The following PIGN variants were observed in gnomAD, a reference collection of about 807,000 sequenced individuals.
PIGN encodes the protein GPI ethanolamine phosphate transferase 1.
PIGN carries 117 observed loss-of-function variants against 125.4 expected under a neutral mutation model. The observed-to-expected ratio is 0.93, with a 90% CI of 0.80 to 1.09. The LOEUF (loss-of-function observed/expected upper bound fraction) is 1.09. Ranked by LOEUF, PIGN falls within the 50% of genes least tolerant of loss-of-function variation. The pLI is 0.00. For synonymous variants in PIGN, 392 were observed against 377.8 expected, an observed-to-expected ratio of 1.04 and a Z score of -0.44; for missense variants, 1,075 against 1,094.9, an observed-to-expected ratio of 0.98 and a Z score of 0.26.
At chr18:62,091,344 C>T (rs2033949112) in intron 23 of PIGN, among the ~76,000 whole-genome samples, 1 of 152,026 alleles carries the variant, frequency 6.6e-6, no homozygotes, top group Non-Finnish European at 1.5e-5. Flanking sequence ...GATTCTGTCT[C>T]AAAAACAAAA....
At chr18:62,150,679 G>A (rs2036499120) in intron 7 of PIGN, among the ~76,000 whole-genome samples, 1 of 130,674 alleles carries the variant, frequency 7.7e-6, no homozygotes, top group Non-Finnish European at 1.7e-5. Context: ...GGGGGAGGGG[G>A]AAATGAAGAG....
chr18:62,073,199 G>A lies in PIGN; in HGVS notation c.2620-474C>T, dbSNP rs2032987493. ...TGTGTGTGTGTGTGTGTGTGTGTGT[G>A]TGTGTAAGGGGGGGATGGAGGGAGT... On this transcript the variant is annotated intron_variant, in intron 29 of 30. Transcript: ENST00000640252. Among the ~76,000 whole-genome samples the A allele has an allele frequency of 2.0e-5, 3 of 151,272 alleles. No individual in the cohort carries two copies. In the South Asian group the frequency reaches 6.3e-4, roughly 32 times the overall value.
At chr18:62,082,077 G>A (rs1292122587) in intron 28 of PIGN, among the ~76,000 whole-genome samples, 4 of 151,900 alleles carry the variant, frequency 2.6e-5, no homozygotes, top group Admixed American at 2.6e-4. Flanking sequence ...CAATTTTATT[G>A]GTTAAAAAAA....
intron 14 of PIGN, among the ~76,000 whole-genome samples, chr18:62,125,190 T>A (rs1469571388): frequency 2.7e-5 from 4 of 150,668 alleles, no homozygotes; most frequent in East Asian, 3.9e-4. Flanking sequence ...ATATACACGT[T>A]TGTACATATG....
At chr18:62,143,474 T>C (rs1481117822) in intron 10 of PIGN, 128 bp from the exon 11 acceptor site, 1 of 566,716 alleles carries the variant, frequency 1.8e-6, no homozygotes, top group Non-Finnish European at 3.1e-6. Flanking sequence ...AAGCCAAGTA[T>C]GAATAAAAAT....
chr18:62,072,608 C>G, intron 30 of PIGN, 65 bp downstream of exon 30: 1 of 1,271,518 alleles, frequency 7.9e-7, no homozygotes, highest in East Asian at 2.4e-5. Context: ...GAAGAAATTG[C>G]CTAACAATAT....
chr18:62,120,348 T>G (rs2035255231), intron 14 of PIGN, among the ~76,000 whole-genome samples: 1 of 152,156 alleles, frequency 6.6e-6, no homozygotes. Context: ...TGAAAAGATG[T>G]TTGAAAAGTT....
In PIGN at chr18:62,045,903, T is replaced by C; in HGVS notation, c.2749A>G (p.Thr917Ala). Reference sequence around the variant, plus strand: ...TTGCCACATAGTCTGAGTTTCTTCGTTGTGAGCAGCTGGGCCAGGCCATTG... The same window carrying C: ...TTGCCACATAGTCTGAGTTTCTTCGCTGTGAGCAGCTGGGCCAGGCCATTG... ...FLNGLAQLLT[T>A]KKLRLCGKPK... is the part of the protein sequence containing the mutation. The change falls in exon 31 of 31, where the codon ACG (threonine) becomes GCG (alanine). Residue 917 changes from threonine (T) to alanine (A), a missense_variant. Thr to Ala is a moderately conservative substitution (Grantham distance 58, BLOSUM62 0). This residue lies in a region of PIGN where 915 missense variants were observed against 908.7 expected (regional missense o/e 1.01). Coordinates refer to ENST00000640252, the MANE Select transcript of PIGN (RefSeq NM_176787.5). The C allele has an allele frequency of 6.2e-7, 1 of 1,613,874 alleles. No homozygotes were observed. Among genetic ancestry groups the C allele is most frequent in the Non-Finnish European group, 8.5e-7 (1 of 1,179,840 alleles).
chr18:62,135,587 C>G (rs1265222258), intron 14 of PIGN: 1 of 151,460 alleles, frequency 6.6e-6, no homozygotes, highest in African/African-American at 2.4e-5. Context: ...CCCTAACTAG[C>G]CTTTCTTTCT....
chr18:62,104,618 G>C (rs1394016619), intron 20 of PIGN, among the ~76,000 whole-genome samples: 1 of 151,998 alleles, frequency 6.6e-6, no homozygotes, highest in Non-Finnish European at 1.5e-5. Flanking sequence ...ATATTTCCTG[G>C]TCTATTGCAT....
At chr18:62,182,810 C>T (rs1373233836) in intron 1 of PIGN, among the ~76,000 whole-genome samples, 3 of 152,018 alleles carry the variant, frequency 2.0e-5, no homozygotes, top group Admixed American at 6.6e-5. Context: ...GTTCCTGAAG[C>T]CTGGTATGCT....
chr18:62,071,868 A>ATATATATATATATG (rs1195092913), intron 30 of PIGN, among the ~76,000 whole-genome samples: 121 of 6,880 alleles, frequency 0.018, 5 homozygotes, highest in African/African-American at 0.081. Context: ...TTTTCCATAT[A>ATATATATATATATG]TATATATATA....
chr18:62,087,087 T>A (rs926918924), intron 25 of PIGN, among the ~76,000 whole-genome samples: 10 of 152,162 alleles, frequency 6.6e-5, no homozygotes, highest in African/African-American at 2.4e-4. Flanking sequence ...AAAACACATC[T>A]TAGAGTTGTT....
intron 26 of PIGN, among the ~76,000 whole-genome samples, chr18:62,084,967 G>A (rs1457092823): frequency 6.6e-6 from 1 of 152,090 alleles, no homozygotes; most frequent in South Asian, 2.1e-4. Context: ...AATTAGCCAG[G>A]CATGGTGGCG....
At position 62,106,613 on chromosome 18, in the gene PIGN, T is replaced by C. The variant is rs370093801; in HGVS notation, c.1767+176A>G. Among the ~76,000 whole-genome samples the C allele has an allele frequency of 7.9e-5, 12 of 152,368 alleles. No homozygotes were observed. In the East Asian group the frequency reaches 2.3e-3, roughly 29 times the overall value. ...ACTGGCCCATTTTGATGTGAAAGTC[T>C]AAGTGAATTACTGAAACCTTACAGG... is the stretch of plus-strand genomic sequence containing the variant. On this transcript the variant is annotated intron_variant, in intron 19 of 30. Coordinates refer to ENST00000640252, the MANE Select transcript of PIGN (RefSeq NM_176787.5).
intron 14 of PIGN, among the ~76,000 whole-genome samples, chr18:62,129,810 T>G (rs2035667447): frequency 6.6e-6 from 1 of 152,232 alleles, no homozygotes; most frequent in Non-Finnish European, 1.5e-5. Flanking sequence ...AAATGTAAAC[T>G]ATTAATTTCT....
chr18:62,051,659 G>T (rs1330772789), intron 30 of PIGN: 2 of 152,082 alleles, frequency 1.3e-5, no homozygotes, highest in Non-Finnish European at 2.9e-5. Context: ...CCAGCTCCTG[G>T]ATTCCTTAAT....
intron 14 of PIGN, among the ~76,000 whole-genome samples, chr18:62,135,122 C>T (rs925752696): frequency 6.6e-6 from 1 of 152,062 alleles, no homozygotes; most frequent in Non-Finnish European, 1.5e-5. Flanking sequence ...TATTTATTTT[C>T]TTATTAAATG....
chr18:62,139,113 G>A (rs772679075), intron 12 of PIGN, 38 bp from the exon 13 acceptor site: 4 of 1,247,730 alleles, frequency 3.2e-6, no homozygotes, highest in Non-Finnish European at 4.6e-6. Flanking sequence ...ATAGTATTCA[G>A]ACAGCTCAGG....
Sources: allele counts gnomAD v4.1 joint callset (sites outside exome capture counted in the v4.1 genomes callset), GRCh38; gene constraint gnomAD v4.1.1; regional missense constraint gnomAD v4.1.1; transcripts MANE v1.5; gene names NCBI Gene and HGNC (gene_info 2026-07-23, HGNC 2026-07-21).